Variants in HAPSTR1 observed in about 807,000 individuals in gnomAD.
The protein encoded by HAPSTR1 is HUWE1-associated protein modifying stress responses 1.
chr16:9,096,808 G>A, the HAPSTR1 span, among the ~76,000 whole-genome samples: 2 of 151,754 alleles, frequency 1.3e-5, no homozygotes, highest in Non-Finnish European at 2.9e-5. Context: ...GGATTGCTTG[G>A]GGCAATATAG....
the HAPSTR1 span, chr16:9,106,464 G>C: frequency 6.6e-6 from 1 of 151,908 alleles, no homozygotes; most frequent in Non-Finnish European, 1.5e-5. Context: ...ATTTGTAGTA[G>C]AGATGGGGTT....
the HAPSTR1 span, among the ~76,000 whole-genome samples, chr16:9,097,995 C>T: frequency 6.6e-6 from 1 of 152,138 alleles, no homozygotes; most frequent in South Asian, 2.1e-4. Flanking sequence ...AAGGGGAGGA[C>T]AAGGATTGGA....
the HAPSTR1 span, among the ~76,000 whole-genome samples, chr16:9,115,418 TC>T: frequency 2.0e-5 from 3 of 152,152 alleles, no homozygotes; most frequent in African/African-American, 7.2e-5. Context: ...AAGGGGAAAT[TC>T]CTAAGGCAGA....
At chr16:9,100,159 A>G in the HAPSTR1 span, among the ~76,000 whole-genome samples, 3 of 152,244 alleles carry the variant, frequency 2.0e-5, no homozygotes, top group Non-Finnish European at 4.4e-5. Context: ...TAGTGTGCTC[A>G]TAGTGGGTTC....
the HAPSTR1 span, chr16:9,117,323 G>T: frequency 4.4e-5 from 8 of 179,992 alleles, no homozygotes; most frequent in African/African-American, 1.2e-4. Flanking sequence ...GTATTGCCAG[G>T]TTCCTAAAAT....
At chr16:9,118,614 A>G in the HAPSTR1 span, 1 of 152,460 alleles carries the variant, frequency 6.6e-6, no homozygotes, top group Admixed American at 6.5e-5. Context: ...GTTTGACTAT[A>G]ATAGCAGGAA....
the HAPSTR1 span, chr16:9,117,063 A>G: frequency 9.0e-7 from 1 of 1,117,136 alleles, no homozygotes; most frequent in South Asian, 1.6e-5. Flanking sequence ...AGGAAGTTCT[A>G]GGTATTTATA....
the HAPSTR1 span, chr16:9,111,735 G>A: frequency 6.6e-6 from 1 of 152,036 alleles, no homozygotes; most frequent in Admixed American, 6.6e-5. Context: ...CTGATTTTAT[G>A]ATTAATTTCT....
chr16:9,101,054 T>A, the HAPSTR1 span, among the ~76,000 whole-genome samples: 1 of 152,248 alleles, frequency 6.6e-6, no homozygotes, highest in Non-Finnish European at 1.5e-5. Context: ...AAAACCTGAT[T>A]GCTTCTAGGT....
At chr16:9,119,755 A>G in the HAPSTR1 span, 1 of 152,388 alleles carries the variant, frequency 6.6e-6, no homozygotes, top group African/African-American at 2.4e-5. Context: ...TTTTGATGCA[A>G]TCAAATGAAG....
the HAPSTR1 span, chr16:9,112,362 T>G: frequency 2.6e-5 from 4 of 152,240 alleles, no homozygotes; most frequent in African/African-American, 9.6e-5. Flanking sequence ...TAAGTTGTGA[T>G]TTCAAATCCC....
chr16:9,106,746 T>G, the HAPSTR1 span: 2 of 152,122 alleles, frequency 1.3e-5, no homozygotes, highest in Non-Finnish European at 2.9e-5. Context: ...ATTAAAGAGA[T>G]AAACATGCAT....
the HAPSTR1 span, among the ~76,000 whole-genome samples, chr16:9,095,960 T>G: frequency 9.2e-6 from 1 of 108,630 alleles, no homozygotes; most frequent in East Asian, 2.2e-4. Context: ...GATCAGTATA[T>G]TTTTTGATTC....
chr16:9,113,215 C>T, the HAPSTR1 span: 1 of 151,846 alleles, frequency 6.6e-6, no homozygotes, highest in African/African-American at 2.4e-5. Context: ...TTATTTTTGA[C>T]CCTTGTGAAA....
the HAPSTR1 span, among the ~76,000 whole-genome samples, chr16:9,102,567 C>G: frequency 6.6e-6 from 1 of 152,162 alleles, no homozygotes; most frequent in Non-Finnish European, 1.5e-5. Context: ...CAGCTTGTTC[C>G]TCATTCTTGG....
the HAPSTR1 span, among the ~76,000 whole-genome samples, chr16:9,115,474 G>T: frequency 6.6e-6 from 1 of 152,180 alleles, no homozygotes; most frequent in Non-Finnish European, 1.5e-5. Flanking sequence ...GCAACACTGT[G>T]TTTGGTGTTT....
the HAPSTR1 span, among the ~76,000 whole-genome samples, chr16:9,095,408 T>C: frequency 1.3e-5 from 2 of 152,236 alleles, no homozygotes; most frequent in African/African-American, 4.8e-5. Flanking sequence ...TAAATGATAT[T>C]GGTTATAGTT....
chr16:9,102,205 A>T, the HAPSTR1 span, among the ~76,000 whole-genome samples: 30 of 152,386 alleles, frequency 2.0e-4, no homozygotes, highest in African/African-American at 7.0e-4. Context: ...AGGATAAAGT[A>T]ACGATGTTGG....
At chr16:9,099,481 C>T in the HAPSTR1 span, among the ~76,000 whole-genome samples, 10 of 152,218 alleles carry the variant, frequency 6.6e-5, no homozygotes, top group Non-Finnish European at 1.0e-4. Context: ...GGATGAGCCA[C>T]TGTGCCATGC....
Sources: gnomAD v4.1 joint callset for allele counts (sites outside exome capture counted in the v4.1 genomes callset) on GRCh38, gnomAD v4.1.1 for gene constraint, MANE v1.5 for transcripts, NCBI Gene and HGNC (gene_info 2026-07-23, HGNC 2026-07-21) for gene names.